Variants in SUGP1 observed in about 807,000 individuals in gnomAD.
SUGP1 encodes the protein SURP and G-patch domain-containing protein 1.
Under a neutral mutation model 76.5 loss-of-function variants are expected in SUGP1, and 34 were observed. The observed-to-expected ratio is 0.44, with a 90% CI of 0.34 to 0.59. The LOEUF (loss-of-function observed/expected upper bound fraction) is 0.59. Among genes scored for constraint, SUGP1 ranks in the 20% least tolerant of loss-of-function variants. SUGP1 has a pLI of 0.01. For synonymous variants in SUGP1, 326 were observed against 326.2 expected (o/e 1.00, Z 0.01); for missense variants, 752 against 851.7 (o/e 0.88, Z 1.46).
chr19:19,280,388 A>C, intron 8 of SUGP1, 97 bp from the exon 9 acceptor site: 1 of 1,059,968 alleles, frequency 9.4e-7, no homozygotes. Flanking sequence ...CCTTCATGAC[A>C]CTCCAGGCAC....
chr19:19,306,112 T>G, intron 3 of SUGP1, 36 bp from the exon 4 acceptor site: 134 of 1,489,204 alleles, frequency 9.0e-5, no homozygotes, highest in Non-Finnish European at 1.1e-4. Context: ...ACTCGGGATC[T>G]GCAGGGCACC....
At chr19:19,302,442 T>C in intron 6 of SUGP1, 54 bp from the exon 7 acceptor site, 1 of 1,590,064 alleles carries the variant, frequency 6.3e-7, no homozygotes, top group Non-Finnish European at 8.6e-7. Flanking sequence ...ACAGCCTAAT[T>C]TCTGCTAAGA....
chr19:19,316,561 G>A lies in SUGP1; in HGVS notation c.67C>T (p.Pro23Ser). ...KANRWFGVAP[P>S]KSGKMNMNIL... ...TTCATGTTCATTTTTCCAGATTTAG[G>A]GGGAGCAACCCCAAACCACCGGTTA... Residue 23 changes from proline (P) to serine (S), a missense_variant, in exon 2 of 14, where the codon CCT becomes TCT. Physicochemically the swap from Pro to Ser is moderately conservative, Grantham distance 74. Coordinates refer to ENST00000247001, the MANE Select transcript of SUGP1 (RefSeq NM_172231.4). 6.2e-7 allele frequency: 1 copy of A among 1,613,880 alleles called. No homozygotes were observed. The highest frequency in any genetic ancestry group is 1.1e-5 in the South Asian group (1 of 91,076).
chr19:19,297,934 CCATGTTCCG>C (rs1384592418), intron 7 of SUGP1, among the ~76,000 whole-genome samples: 3 of 152,206 alleles, frequency 2.0e-5, no homozygotes, highest in African/African-American at 7.2e-5. Context: ...GGGTTCAGAG[CCATGTTCCG>C]CACCTACTGG....
In SUGP1 at chr19:19,305,789, G is replaced by C; in HGVS notation, c.538+60C>G. 8 of 1,519,784 alleles carry C rather than the reference G, an allele frequency of 5.3e-6. No individual in the cohort carries two copies. In the South Asian group the frequency reaches 1.0e-4, roughly 19 times the overall value. The allele number at this position is 1,519,784 out of a possible 1,614,324, so 94.1% of individuals were successfully genotyped here. On this transcript the variant is annotated intron_variant, in intron 4 of 13. Transcript: ENST00000247001. ...GGCAGCACTTGCCCTGCCCACCACA[G>C]ATCCCACCTGCTAGAGCACGGGCAC...
intron 8 of SUGP1, among the ~76,000 whole-genome samples, chr19:19,292,698 C>T (rs2061195292): frequency 6.6e-6 from 1 of 151,962 alleles, no homozygotes; most frequent in African/African-American, 2.4e-5. Flanking sequence ...AAGAAAAATA[C>T]AATTGAATAT....
At chr19:19,291,926 C>CACACAA (rs2061187659) in intron 8 of SUGP1, among the ~76,000 whole-genome samples, 1 of 148,772 alleles carries the variant, frequency 6.7e-6, no homozygotes, top group Non-Finnish European at 1.5e-5. Flanking sequence ...CACACACACA[C>CACACAA]ACACACAAAA....
chr19:19,279,454 G>C, intron 9 of SUGP1, 64 bp from the exon 10 acceptor site: 1 of 1,491,280 alleles, frequency 6.7e-7, no homozygotes, highest in Non-Finnish European at 9.0e-7. Flanking sequence ...CCCCGCTCCT[G>C]CTCCCCGCCT....
At chr19:19,310,222 G>A in intron 2 of SUGP1, 22 bp from the exon 3 acceptor site, 1 of 1,585,950 alleles carries the variant, frequency 6.3e-7, no homozygotes, top group South Asian at 1.1e-5. Flanking sequence ...ACAGAGGACA[G>A]AGAGGGTGAG....
At chr19:19,291,566 A>C (rs1010340244) in intron 8 of SUGP1, among the ~76,000 whole-genome samples, 1 of 152,072 alleles carries the variant, frequency 6.6e-6, no homozygotes, top group Admixed American at 6.6e-5. Flanking sequence ...TAGACAAGTA[A>C]ATCAGGATTC....
In SUGP1 at chr19:19,276,568, G is replaced by T. The variant is rs1042560035; in HGVS notation, c.*80C>A. The stretch of plus-strand genomic sequence containing the variant: ...GGCACGGCACTCGTGACAACGGAAG[G>T]GGTGGGCAGAAATGCAGGCCGGAAC... On this transcript the variant is annotated 3_prime_UTR_variant, in exon 14 of 14. Transcript: ENST00000247001. The T allele has an allele frequency of 3.8e-6, 6 of 1,559,220 alleles. No homozygotes were observed. The highest frequency in any genetic ancestry group is 4.4e-6 in the Non-Finnish European group (5 of 1,131,876).
At chr19:19,278,395 G>A (rs2061070533) in intron 11 of SUGP1, among the ~76,000 whole-genome samples, 1 of 152,196 alleles carries the variant, frequency 6.6e-6, no homozygotes, top group Non-Finnish European at 1.5e-5. Context: ...CCAGTCCGTG[G>A]GGACTTCTGC....
intron 7 of SUGP1, among the ~76,000 whole-genome samples, chr19:19,298,837 G>A (rs2061249302): frequency 6.6e-6 from 1 of 152,204 alleles, no homozygotes; most frequent in Non-Finnish European, 1.5e-5. Flanking sequence ...GCATCGGGGT[G>A]TGGGGGCCCC....
chr19:19,296,971 G>C lies in SUGP1; in HGVS notation c.1243+18C>G. On this transcript the variant is annotated intron_variant, in intron 8 of 13. Transcript: ENST00000247001. ...GTCAGACCCTTCCAACACAGGGAGG[G>C]GGAGAGGGTCTGCCCACCTGACAGA... 4 of 1,545,426 alleles carry C rather than the reference G, an allele frequency of 2.6e-6. No individual in the cohort carries two copies. The highest frequency in any genetic ancestry group is 3.5e-6 in the Non-Finnish European group (4 of 1,138,610).
chr19:19,314,635 A>C (rs912868181), intron 2 of SUGP1, among the ~76,000 whole-genome samples: 5 of 152,242 alleles, frequency 3.3e-5, no homozygotes, highest in Non-Finnish European at 4.4e-5. Context: ...AGGAGGGACC[A>C]GGAAGAGGTA....
rs55849619 is a variant in SUGP1, at chr19:19,318,113, C to CTTTTCTTTTTT, written c.35-1521_35-1520insAAAAAAGAAAA. On this transcript the variant is annotated intron_variant, in intron 1 of 13. Transcript: ENST00000247001. ...GGCGTGAGCCACCGAACCCAGCCTT[C>CTTTTCTTTTTT]TTTTTTTTTTTTTTTTTTTTTGAGA... 2.6e-4 allele frequency among the ~76,000 whole-genome samples: 25 copies of CTTTTCTTTTTT among 97,674 alleles called. 1 individual carries two copies. The highest frequency in any genetic ancestry group is 4.8e-4 in the African/African-American group (11 of 22,830). 64.1% of individuals were successfully genotyped at this position (97,674 alleles called of 152,430 possible).
At chr19:19,308,090 G>A (rs553435409) in intron 3 of SUGP1, among the ~76,000 whole-genome samples, 97 of 152,134 alleles carry the variant, frequency 6.4e-4, no homozygotes, top group African/African-American at 2.2e-3. Flanking sequence ...GTACAGTGAC[G>A]TGATCTCCAC....
intron 2 of SUGP1, 51 bp downstream of exon 2, chr19:19,316,371 A>C (rs753310306): frequency 2.5e-6 from 4 of 1,603,296 alleles, no homozygotes; most frequent in Non-Finnish European, 2.6e-6. Flanking sequence ...TGTGCTGGTG[A>C]CCCTCAAAGA....
chr19:19,285,023 G>A (rs538983167), intron 8 of SUGP1, among the ~76,000 whole-genome samples: 3,054 of 149,420 alleles, frequency 0.02, 105 homozygotes, highest in African/African-American at 0.073. Context: ...GCCCGCCACC[G>A]TGCCTGGCTA....
Sources: allele counts gnomAD v4.1 joint callset (sites outside exome capture counted in the v4.1 genomes callset), GRCh38; gene constraint gnomAD v4.1.1; transcripts MANE v1.5; gene names NCBI Gene and HGNC (gene_info 2026-07-23, HGNC 2026-07-21).